DTNB: variants seen among roughly 807,000 people sequenced by gnomAD.
DTNB encodes the protein dystrobrevin beta, also known as DTN-B.
DTNB carries 63 observed loss-of-function variants against 90.7 expected under a neutral mutation model. The ratio of observed to expected loss-of-function variants is 0.69; its 90% CI spans 0.57 to 0.86. The LOEUF (loss-of-function observed/expected upper bound fraction) is 0.86. DTNB is among the 40% of genes least tolerant of loss of function. DTNB has a pLI of 0.00. For synonymous variants in DTNB, 277 were observed against 286.7 expected, an observed-to-expected ratio of 0.97 and a Z score of 0.34; for missense variants, 744 against 807.1, an observed-to-expected ratio of 0.92 and a Z score of 0.95.
chr2:25,631,547 T>C (rs2075750195), intron 3 of DTNB, among the ~76,000 whole-genome samples: 1 of 146,198 alleles, frequency 6.8e-6, no homozygotes, highest in African/African-American at 2.5e-5. Context: ...CACTTCAACC[T>C]GAGTGACGAA....
At chr2:25,579,976 C>CTTTTTTTTTT (rs59639406) in intron 7 of DTNB, among the ~76,000 whole-genome samples, 1 of 52,962 alleles carries the variant, frequency 1.9e-5, no homozygotes, top group African/African-American at 7.6e-5. Context: ...AGTATCCTTT[C>CTTTTTTTTTT]TTTTTTTTTT....
chr2:25,617,912 C>T (rs2071250364), intron 4 of DTNB, among the ~76,000 whole-genome samples: 1 of 152,244 alleles, frequency 6.6e-6, no homozygotes, highest in South Asian at 2.1e-4. Context: ...ATTAAAGATA[C>T]CTACTTTAAA....
intron 9 of DTNB, among the ~76,000 whole-genome samples, chr2:25,506,285 A>G (rs1185551037): frequency 6.6e-6 from 1 of 152,236 alleles, no homozygotes; most frequent in Non-Finnish European, 1.5e-5. Flanking sequence ...AAAATAGAAA[A>G]GAGAACTTGA....
chr2:25,413,363 C>T (rs1352268249), intron 16 of DTNB, among the ~76,000 whole-genome samples: 1 of 151,522 alleles, frequency 6.6e-6, no homozygotes. Flanking sequence ...TGTGCTGCAC[C>T]CACTAACTCG....
intron 8 of DTNB, among the ~76,000 whole-genome samples, chr2:25,532,302 G>GAGCACAC: frequency 6.8e-6 from 1 of 146,240 alleles, no homozygotes; most frequent in East Asian, 2.0e-4. Context: ...AAAAGGCTAA[G>GAGCACAC]AGCACACAGC....
intron 9 of DTNB, among the ~76,000 whole-genome samples, chr2:25,505,729 C>T (rs544503103): frequency 3.3e-5 from 5 of 151,978 alleles, no homozygotes; most frequent in African/African-American, 1.2e-4. Flanking sequence ...TTTAAAAGCA[C>T]AAAAATTTAG....
chr2:25,409,430 T>C (rs1212993926), intron 16 of DTNB, among the ~76,000 whole-genome samples: 1 of 152,306 alleles, frequency 6.6e-6, no homozygotes, highest in Middle Eastern at 3.4e-3. Context: ...CTTGTTTAGA[T>C]GAAAAAGAAA....
At chr2:25,572,840 T>C (rs900969036) in intron 8 of DTNB, among the ~76,000 whole-genome samples, 10 of 152,180 alleles carry the variant, frequency 6.6e-5, no homozygotes, top group African/African-American at 1.9e-4. Context: ...CTAAGACTAA[T>C]GTAGTTCTTT....
chr2:25,580,272 T>C (rs2061369243), intron 7 of DTNB, among the ~76,000 whole-genome samples: 1 of 152,132 alleles, frequency 6.6e-6, no homozygotes, highest in African/African-American at 2.4e-5. Context: ...TGAGCCACCA[T>C]GCCCAGCCTA....
chr2:25,383,901 A>T lies in DTNB; in HGVS notation c.1826-12T>A. 1 of 1,614,046 alleles carries T rather than the reference A, an allele frequency of 6.2e-7. No homozygotes were observed. Among genetic ancestry groups the T allele is most frequent in the Non-Finnish European group, 8.5e-7 (1 of 1,179,902 alleles). On this transcript the variant is annotated splice_polypyrimidine_tract_variant and intron_variant, in intron 18 of 20. Transcript: ENST00000406818. ...TGCACCTTCCTCTGCTGTGAAAACA[A>T]GTCCAAGGAGGCCAGTGACCCTTCG...
chr2:25,616,980 A>G (rs542306185), intron 4 of DTNB, among the ~76,000 whole-genome samples: 2 of 150,844 alleles, frequency 1.3e-5, no homozygotes, highest in Non-Finnish European at 3.0e-5. Flanking sequence ...TAACCCCTCA[A>G]TTAAGTATTG....
chr2:25,403,966 A>G (rs796249620), intron 16 of DTNB, among the ~76,000 whole-genome samples: 4 of 152,244 alleles, frequency 2.6e-5, no homozygotes, highest in African/African-American at 9.6e-5. Flanking sequence ...GCTGCCATTT[A>G]CTAGCTGTGT....
At chr2:25,404,486 T>C (rs2044542458) in intron 16 of DTNB, among the ~76,000 whole-genome samples, 1 of 151,994 alleles carries the variant, frequency 6.6e-6, no homozygotes, top group Admixed American at 6.5e-5. Flanking sequence ...AGGGAAGACC[T>C]GTAGCAGGAA....
At position 25,535,389 on chromosome 2, in the gene DTNB, C is replaced by G. The variant is rs551739146; in HGVS notation, c.877-3792G>C. ...CACTTCCTCCCAGACGGGGAGGCCG[C>G]GCAGAGGTGCTCCTCACCTCCCAGA... On this transcript the variant is annotated intron_variant, in intron 8 of 20. Transcript: ENST00000406818. Among the ~76,000 whole-genome samples, 559 of 110,406 alleles carry G rather than the reference C, an allele frequency of 5.1e-3. 5 individuals carry two copies. Among genetic ancestry groups the G allele is most frequent in the African/African-American group, 0.019 (519 of 26,708 alleles). The allele number at this position is 110,406 out of a possible 152,430, so 72.4% of individuals were successfully genotyped here.
chr2:25,571,246 T>C (rs1302571363), intron 8 of DTNB, among the ~76,000 whole-genome samples: 3 of 152,264 alleles, frequency 2.0e-5, no homozygotes, highest in African/African-American at 4.8e-5. Flanking sequence ...TAATTATCAT[T>C]AGAATTTCTC....
At chr2:25,465,433 T>C (rs969312407) in intron 10 of DTNB, among the ~76,000 whole-genome samples, 1 of 151,988 alleles carries the variant, frequency 6.6e-6, no homozygotes, top group African/African-American at 2.4e-5. Flanking sequence ...GGGAACTTAC[T>C]GTACTACTTT....
intron 16 of DTNB, among the ~76,000 whole-genome samples, chr2:25,389,273 A>G (rs2040422148): frequency 6.6e-6 from 1 of 152,220 alleles, no homozygotes; most frequent in Admixed American, 6.5e-5. Context: ...GGCAGTGTGC[A>G]CTCTGCAGGT....
intron 3 of DTNB, among the ~76,000 whole-genome samples, chr2:25,632,229 C>G (rs1316992558): frequency 6.7e-6 from 1 of 149,416 alleles, no homozygotes; most frequent in Non-Finnish European, 1.5e-5. Context: ...TGACCATATC[C>G]TGAGCCATAA....
At chr2:25,583,782 G>A (rs2061925655) in intron 6 of DTNB, among the ~76,000 whole-genome samples, 1 of 151,638 alleles carries the variant, frequency 6.6e-6, no homozygotes, top group South Asian at 2.1e-4. Flanking sequence ...GCCTCCCAAA[G>A]TGCTGGGATT....
Sources: gnomAD v4.1 joint callset for allele counts (sites outside exome capture counted in the v4.1 genomes callset) on GRCh38, gnomAD v4.1.1 for gene constraint, MANE v1.5 for transcripts, NCBI Gene and HGNC (gene_info 2026-07-23, HGNC 2026-07-21) for gene names.